The following CRACD variants were observed in gnomAD, a reference collection of about 807,000 sequenced individuals.
CRACD encodes the protein capping protein inhibiting regulator of actin dynamics, also known as capping protein-inhibiting regulator of actin dynamics.
Under a neutral mutation model 106.8 loss-of-function variants are expected in CRACD, and 56 were observed. The observed-to-expected ratio is 0.52, with a 90% CI of 0.42 to 0.66. The LOEUF is 0.66. Ranked by LOEUF, CRACD falls within the 30% of genes least tolerant of loss-of-function variation. The pLI is 0.00. For synonymous variants in CRACD, 754 were observed against 670.8 expected (o/e 1.12, Z -1.92); for missense variants, 1,730 against 1,623.2 (o/e 1.07, Z -1.13).
At chr4:56,102,066 T>C (rs974446565) in intron 1 of CRACD, among the ~76,000 whole-genome samples, 1 of 152,202 alleles carries the variant, frequency 6.6e-6, no homozygotes, top group African/African-American at 2.4e-5. Flanking sequence ...GTATGTTTCC[T>C]TGTGTATATA....
At chr4:56,181,468 G>A (rs115074779) in intron 2 of CRACD, among the ~76,000 whole-genome samples, 6 of 152,210 alleles carry the variant, frequency 3.9e-5, no homozygotes, top group African/African-American at 1.2e-4. Flanking sequence ...TAAAGAACAC[G>A]TACTCCCTCC....
intron 1 of CRACD, among the ~76,000 whole-genome samples, chr4:56,063,607 GTA>G (rs1340064588): frequency 2.0e-5 from 3 of 152,062 alleles, no homozygotes; most frequent in Non-Finnish European, 4.4e-5. Flanking sequence ...TTTGCCTATT[GTA>G]TAACTGGGAT....
At chr4:56,180,423 A>G (rs1022461845) in intron 2 of CRACD, among the ~76,000 whole-genome samples, 2 of 150,036 alleles carry the variant, frequency 1.3e-5, no homozygotes, top group Non-Finnish European at 2.9e-5. Context: ...CGGGAGGGAG[A>G]GGTTGCAGTG....
chr4:56,270,625 AT>A (rs1397381459), intron 2 of CRACD, among the ~76,000 whole-genome samples: 1 of 152,002 alleles, frequency 6.6e-6, no homozygotes, highest in Non-Finnish European at 1.5e-5. Context: ...GTTCAAAGAT[AT>A]GTTTCCTGTG....
chr4:56,225,741 CCA>C (rs929243056), intron 2 of CRACD, among the ~76,000 whole-genome samples: 23 of 152,148 alleles, frequency 1.5e-4, no homozygotes, highest in Admixed American at 3.3e-4. Context: ...ACAGGAATGA[CCA>C]GTTAGTGAAG....
intron 1 of CRACD, among the ~76,000 whole-genome samples, chr4:56,164,356 A>G (rs1202060683): frequency 6.6e-6 from 1 of 151,728 alleles, no homozygotes; most frequent in Admixed American, 6.6e-5. Flanking sequence ...GGATGGTCTC[A>G]ATCTCCTGAC....
intron 1 of CRACD, among the ~76,000 whole-genome samples, chr4:56,154,088 T>C (rs1735683985): frequency 6.6e-6 from 1 of 152,200 alleles, no homozygotes; most frequent in Non-Finnish European, 1.5e-5. Flanking sequence ...TGTGGTTCAG[T>C]GCTTAATACC....
chr4:56,142,716 T>C (rs1241114302), intron 1 of CRACD, among the ~76,000 whole-genome samples: 1 of 152,114 alleles, frequency 6.6e-6, no homozygotes, highest in African/African-American at 2.4e-5. Context: ...TATAGTTAGG[T>C]ATGAATTAAA....
At chr4:56,163,940 G>A (rs1424868827) in intron 1 of CRACD, among the ~76,000 whole-genome samples, 1 of 151,986 alleles carries the variant, frequency 6.6e-6, no homozygotes, top group East Asian at 1.9e-4. Flanking sequence ...TAGAGACGGG[G>A]TTTCACCATG....
chr4:56,321,662 G>C (rs937680788), intron 8 of CRACD, among the ~76,000 whole-genome samples: 1 of 152,226 alleles, frequency 6.6e-6, no homozygotes, highest in Non-Finnish European at 1.5e-5. Context: ...CAGAATGTTT[G>C]AGGTGATGAA....
intron 1 of CRACD, among the ~76,000 whole-genome samples, chr4:56,069,810 A>G (rs1329827312): frequency 6.6e-6 from 1 of 152,206 alleles, no homozygotes; most frequent in Non-Finnish European, 1.5e-5. Context: ...AAAAGAGACT[A>G]TACCAGATCA....
At chr4:56,125,435 G>C (rs80301346) in intron 1 of CRACD, among the ~76,000 whole-genome samples, 2 of 151,738 alleles carry the variant, frequency 1.3e-5, no homozygotes, top group Admixed American at 1.3e-4. Flanking sequence ...TTAGAGACAG[G>C]GTCTTGCCCT....
Position 56,307,670 on chromosome 4 carries a change from G to C in CRACD, c.256G>C (p.Asp86His), listed in dbSNP as rs771431799. ...TCCCATGGAAATTGTGACTCAGCAG[G>C]ACATCGTCCTCTCAGACGCAGAGAA... ...TSPMEIVTQQDIVLSDAENKS... is the reference protein window; with the variant it reads ...TSPMEIVTQQHIVLSDAENKS... Residue 86 changes from aspartate (D) to histidine (H), a missense_variant, in exon 5 of 11, where the codon GAC becomes CAC. This residue lies in a region of CRACD where 1,620 missense variants were observed against 1,481.6 expected (regional missense o/e 1.09). Coordinates refer to ENST00000682029, the MANE Select transcript of CRACD (RefSeq NM_001393381.1). 6.2e-7 allele frequency: 1 copy of C among 1,614,156 alleles called. No individual in the cohort carries two copies. Among genetic ancestry groups the C allele is most frequent in the Admixed American group, 1.7e-5 (1 of 60,026 alleles).
chr4:56,314,005 C>A lies in CRACD; in HGVS notation c.538-35C>A. ...AAGGAACGACTGTGGGTGGAGAAAG[C>A]AAAAGGCTAATTGTGTTTTCCTTTC... On this transcript the variant is annotated intron_variant, in intron 7 of 10. Transcript: ENST00000682029. The surrounding 1 kb of genome is among the most constrained non-coding windows in gnomAD (Gnocchi z 4.4). 1 of 1,590,770 alleles carries A rather than the reference C, an allele frequency of 6.3e-7. No individual in the cohort carries two copies.
chr4:56,123,447 G>A (rs1376841045), intron 1 of CRACD, among the ~76,000 whole-genome samples: 1 of 152,130 alleles, frequency 6.6e-6, no homozygotes, highest in African/African-American at 2.4e-5. Flanking sequence ...TTCTTGTAAA[G>A]CCCACCAATT....
At chr4:56,323,656 G>T (rs770356961) in intron 9 of CRACD, 89 bp downstream of exon 9, 2 of 1,288,138 alleles carry the variant, frequency 1.6e-6, no homozygotes, top group Admixed American at 6.3e-5. Context: ...AGGCTAGCTG[G>T]GCTGGTGGAA....
Position 56,314,560 on chromosome 4 carries a change from G to A in CRACD, c.1058G>A (p.Arg353Lys). Residue 353 changes from arginine (R) to lysine (K), a missense_variant, in exon 8 of 11, where the codon AGA becomes AAA. Physicochemically the swap from Arg to Lys is conservative, Grantham distance 26. This residue lies in a region of CRACD where 1,620 missense variants were observed against 1,481.6 expected (regional missense o/e 1.09). Coordinates refer to ENST00000682029, the MANE Select transcript of CRACD (RefSeq NM_001393381.1). This position sits in a 1 kb window ranked among gnomAD's most constrained non-coding sequence, Gnocchi z 4.4. Reference protein sequence around the residue: ...ERRRQEEEEGRCAEELKRQEE... With the variant: ...ERRRQEEEEGKCAEELKRQEE... ...AGGCGGCAGGAGGAGGAGGAAGGAA[G>A]ATGCGCGGAGGAGCTCAAAAGGCAG... is the stretch of plus-strand genomic sequence containing the variant. The A allele has an allele frequency of 6.6e-7, 1 of 1,507,896 alleles. No individual in the cohort carries two copies. Among genetic ancestry groups the A allele is most frequent in the Non-Finnish European group, 8.8e-7 (1 of 1,131,176 alleles). The allele number at this position is 1,507,896 out of a possible 1,614,324, so 93.4% of individuals were successfully genotyped here.
At position 56,314,878 on chromosome 4, in the gene CRACD, A is replaced by G. The variant is rs1384535664; in HGVS notation, c.1376A>G (p.Glu459Gly). The change falls in exon 8 of 11, where the codon GAG (glutamate) becomes GGG (glycine). Residue 459 changes from glutamate (E) to glycine (G), a missense_variant. Coordinates refer to ENST00000682029, the MANE Select transcript of CRACD (RefSeq NM_001393381.1). The surrounding 1 kb of genome is among the most constrained non-coding windows in gnomAD (Gnocchi z 4.4). ...GICEEQNPEA[E>G]RRREQQGRSG... is the part of the protein sequence containing the mutation. ...TGCGAGGAGCAGAACCCAGAGGCCG[A>G]GCGGCGAAGAGAGCAGCAGGGAAGG... The G allele has an allele frequency of 5.6e-6, 9 of 1,611,358 alleles. No homozygotes were observed. Among genetic ancestry groups the G allele is most frequent in the East Asian group, 2.2e-5 (1 of 44,778 alleles).
At chr4:56,310,792 C>CCA in intron 6 of CRACD, 58 bp downstream of exon 6, 1 of 937,988 alleles carries the variant, frequency 1.1e-6, no homozygotes, top group Non-Finnish European at 1.6e-6. Flanking sequence ...TTCATCTTCC[C>CCA]CCCCCCTTTT....
Sources: allele counts gnomAD v4.1 joint callset (sites outside exome capture counted in the v4.1 genomes callset), GRCh38; gene constraint gnomAD v4.1.1; regional missense constraint gnomAD v4.1.1; non-coding constraint Gnocchi (gnomAD v3.1); transcripts MANE v1.5; gene names NCBI Gene and HGNC (gene_info 2026-07-23, HGNC 2026-07-21).